CDKN2B-AS1: variants seen among roughly 807,000 people sequenced by gnomAD.
The protein encoded by CDKN2B-AS1 is CDKN2B and CDKN2A antisense cis and trans regulatory RNA 1, also known as CDKN2B antisense RNA 1 (non-protein coding).
chr9:22,015,542 A>C lies in CDKN2B-AS1; in HGVS notation n.29+20381A>C, dbSNP rs781129431. On this transcript the variant is annotated intron_variant and non_coding_transcript_variant, in intron 1 of 4. Coordinates refer to ENST00000650946, the Ensembl canonical transcript of CDKN2B-AS1. ...TTAATTGGGATTGTGTGGAATTTAT[A>C]GATCAATTTGGGGAAGACTGTCATC... Among the ~76,000 whole-genome samples, 189 of 152,240 alleles carry C rather than the reference A, an allele frequency of 1.2e-3. 1 individual carries two copies. Among genetic ancestry groups the C allele is most frequent in the Non-Finnish European group, 2.0e-3 (138 of 68,014 alleles).
rs1388901412 is a variant in CDKN2B-AS1 at position 22,000,444 on chromosome 9, T to C, written n.29+5283T>C. Among the ~76,000 whole-genome samples the C allele has an allele frequency of 6.6e-6, 1 of 152,178 alleles. No individual in the cohort carries two copies. Among genetic ancestry groups the C allele is most frequent in the Non-Finnish European group, 1.5e-5 (1 of 68,008 alleles). On this transcript the variant is annotated intron_variant and non_coding_transcript_variant, in intron 1 of 4. Transcript: ENST00000650946. The surrounding 1 kb of genome is among the most constrained non-coding windows in gnomAD (Gnocchi z 4.1). Reference sequence around the variant, plus strand: ...TGATAAGTCTAACTATCAAAGGCAGTCCAGAGATTAGCAAATAATAGAGGA... The same window carrying C: ...TGATAAGTCTAACTATCAAAGGCAGCCCAGAGATTAGCAAATAATAGAGGA...
At chr9:22,025,234 A>G (rs1048203155) in intron 1 of CDKN2B-AS1, among the ~76,000 whole-genome samples, 1 of 152,078 alleles carries the variant, frequency 6.6e-6, no homozygotes, top group African/African-American at 2.4e-5. Context: ...GGCCCAAGCC[A>G]GGGGCTCTCT....
intron 4 of CDKN2B-AS1, among the ~76,000 whole-genome samples, chr9:22,090,834 G>T (rs1825055655): frequency 6.6e-6 from 1 of 152,072 alleles, no homozygotes; most frequent in Non-Finnish European, 1.5e-5. Flanking sequence ...AGTTTAATTA[G>T]ATCCCATTTG....
At chr9:22,104,543 G>T (rs919262018) in intron 4 of CDKN2B-AS1, among the ~76,000 whole-genome samples, 1 of 152,122 alleles carries the variant, frequency 6.6e-6, no homozygotes, top group Non-Finnish European at 1.5e-5. Context: ...CAGCCACTAA[G>T]ACTACTTCCC....
In CDKN2B-AS1 at chr9:22,063,003, A is replaced by AT. The variant is rs879519299; in HGVS notation, n.438+6616_438+6617insT. On this transcript the variant is annotated intron_variant and non_coding_transcript_variant, in intron 4 of 4. Coordinates refer to ENST00000650946, the Ensembl canonical transcript of CDKN2B-AS1. ...CACACACACATATATATATATAGAG[A>AT]GAGAGAGAGAGAGAGAGAGACTTAT... is the stretch of plus-strand genomic sequence containing the variant. Among the ~76,000 whole-genome samples the AT allele has an allele frequency of 2.9e-3, 346 of 118,908 alleles. 2 individuals are homozygous for AT. The highest frequency in any genetic ancestry group is 0.016 in the African/African-American group (329 of 20,344). 78.0% of individuals were successfully genotyped at this position (118,908 alleles called of 152,430 possible). A position where few individuals can be genotyped will look rare whatever the true frequency, so the allele number is the denominator to read the frequency against.
chr9:22,056,234 A>ATATATTTTTTTTTTT (rs777560826), intron 3 of CDKN2B-AS1: 2 of 98,284 alleles, frequency 2.0e-5, no homozygotes, highest in East Asian at 6.6e-4. Context: ...ATATATATAT[A>ATATATTTTTTTTTTT]TTTTTTTTTT....
chr9:22,009,206 A>G, intron 1 of CDKN2B-AS1: 1 of 609,666 alleles, frequency 1.6e-6, no homozygotes, highest in East Asian at 2.9e-5. Flanking sequence ...CTTCTGGGAA[A>G]AAGCGCCTAG....
At chr9:22,002,994 AGGTTTAGATAC>A (rs1468853355) in intron 1 of CDKN2B-AS1, 2 of 201,596 alleles carry the variant, frequency 9.9e-6, no homozygotes, top group Admixed American at 1.2e-4. Flanking sequence ...GTAATGTCTT[AGGTTTAGATAC>A]GAACTTAACA....
intron 1 of CDKN2B-AS1, chr9:22,009,307 G>T: frequency 2.3e-6 from 1 of 432,772 alleles, no homozygotes; most frequent in Non-Finnish European, 4.1e-6. Context: ...TGGCAGAGTG[G>T]GGAGCCAGCC....
At chr9:22,127,523 A>G (rs1818036592) in exon 5 of CDKN2B-AS1, among the ~76,000 whole-genome samples, 1 of 152,190 alleles carries the variant, frequency 6.6e-6, no homozygotes, top group African/African-American at 2.4e-5. Flanking sequence ...AGCTTTAACG[A>G]GGAAAAGATG....
chr9:22,102,791 C>G (rs1189925278), intron 4 of CDKN2B-AS1, among the ~76,000 whole-genome samples: 1 of 152,166 alleles, frequency 6.6e-6, no homozygotes, highest in Non-Finnish European at 1.5e-5. Context: ...AGATGTGAAA[C>G]TAGATAGCAT....
intron 1 of CDKN2B-AS1, among the ~76,000 whole-genome samples, chr9:22,015,412 C>G (rs1457655635): frequency 1.3e-5 from 2 of 152,030 alleles, no homozygotes; most frequent in Admixed American, 6.6e-5. Flanking sequence ...GTAATGTAAC[C>G]CCTCCAAATT....
At chr9:22,126,637 A>G (rs1189684687) in intron 4 of CDKN2B-AS1, among the ~76,000 whole-genome samples, 5 of 127,886 alleles carry the variant, frequency 3.9e-5, no homozygotes, top group African/African-American at 1.2e-4. Flanking sequence ...CAGTGGCGCT[A>G]TCTCGGCTCA....
At chr9:22,008,076 G>A (rs1821285073) in intron 1 of CDKN2B-AS1, among the ~76,000 whole-genome samples, 1 of 152,130 alleles carries the variant, frequency 6.6e-6, no homozygotes, top group Non-Finnish European at 1.5e-5. Flanking sequence ...AGCAGGATTC[G>A]TACTTAAACA....
Position 22,048,414 on chromosome 9 carries a change from C to T in CDKN2B-AS1, n.180-692C>T, listed in dbSNP as rs550266426. On this transcript the variant is annotated intron_variant and non_coding_transcript_variant, in intron 2 of 4. Transcript: ENST00000650946. ...TTGCTCTTCTCTTTCACATAACTCC[C>T]GTGGAATAATTTCCATTGAATTGCA... Among the ~76,000 whole-genome samples, 207 of 152,208 alleles carry T rather than the reference C, an allele frequency of 1.4e-3. 3 individuals are homozygous for T. Among genetic ancestry groups the T allele is most frequent in the African/African-American group, 4.8e-3 (200 of 41,552 alleles).
At chr9:22,050,615 G>A (rs1823306016) in intron 3 of CDKN2B-AS1, among the ~76,000 whole-genome samples, 1 of 152,158 alleles carries the variant, frequency 6.6e-6, no homozygotes, top group East Asian at 1.9e-4. Flanking sequence ...CTTCCTAGGA[G>A]AGCAGTGATT....
rs1399463684 is a variant in CDKN2B-AS1 at position 22,005,933 on chromosome 9, G to A, written n.29+10772G>A. 1.9e-6 allele frequency: 3 copies of A among 1,590,370 alleles called. No homozygotes were observed. Among genetic ancestry groups the A allele is most frequent in the Non-Finnish European group, 2.6e-6 (3 of 1,175,898 alleles). ...CCTTCATCGAATTAGGTGGGTGGGG[G>A]TGGGAAATTGGGTAAGAAAATAAAG... is the stretch of plus-strand genomic sequence containing the variant. On this transcript the variant is annotated intron_variant and non_coding_transcript_variant, in intron 1 of 4. Transcript: ENST00000650946. The surrounding 1 kb of genome is among the most constrained non-coding windows in gnomAD (Gnocchi z 4.9).
intron 1 of CDKN2B-AS1, among the ~76,000 whole-genome samples, chr9:22,031,795 G>C (rs1822483507): frequency 6.6e-6 from 1 of 152,142 alleles, no homozygotes; most frequent in African/African-American, 2.4e-5. Context: ...TAGTAGAGTA[G>C]AGGTCACCTC....
intron 1 of CDKN2B-AS1, among the ~76,000 whole-genome samples, chr9:22,025,212 G>A (rs184586731): frequency 2.0e-5 from 3 of 152,314 alleles, no homozygotes; most frequent in Non-Finnish European, 4.4e-5. Context: ...AGGATGGAGA[G>A]TCTGTGCTAT....
Sources: gnomAD v4.1 joint callset for allele counts (sites outside exome capture counted in the v4.1 genomes callset) on GRCh38, gnomAD v4.1.1 for gene constraint, Gnocchi (gnomAD v3.1) non-coding constraint, MANE v1.5 for transcripts, NCBI Gene and HGNC (gene_info 2026-07-23, HGNC 2026-07-21) for gene names.